CLOCK: variants seen among roughly 807,000 people sequenced by gnomAD.
CLOCK encodes the protein circadian locomoter output cycles protein kaput.
A neutral mutation model predicts 118.4 loss-of-function variants in CLOCK; 43 were observed. That is an observed-to-expected ratio of 0.36 (90% CI 0.28 to 0.47). The LOEUF is 0.47. CLOCK is among the 20% of genes least tolerant of loss of function. The pLI is 1.00. For synonymous variants in CLOCK, 326 were observed against 339.2 expected (o/e 0.96, Z 0.43); for missense variants, 846 against 999.9 (o/e 0.85, Z 2.08).
chr4:55,445,587 T>A, intron 18 of CLOCK, among the ~76,000 whole-genome samples: 1 of 54,886 alleles, frequency 1.8e-5, no homozygotes, highest in Admixed American at 1.8e-4. Context: ...ATATTCTTTT[T>A]TTTTTTTTTT....
chr4:55,472,741 C>A (rs140842317), intron 7 of CLOCK, among the ~76,000 whole-genome samples: 107 of 151,988 alleles, frequency 7.0e-4, no homozygotes, highest in African/African-American at 2.3e-3. Context: ...TTGTCCCCCC[C>A]CTTCTTTTGG....
rs934674127 is a variant in CLOCK, at chr4:55,435,408, A to C, written c.*7T>G. The stretch of plus-strand genomic sequence containing the variant: ...CTCCCTTGATGTCAAGAGAGGAAGC[A>C]CGTGTGCTACTGTGGTTGAACCTTG... On this transcript the variant is annotated 3_prime_UTR_variant, in exon 23 of 23. Transcript: ENST00000513440. 1.2e-6 allele frequency: 2 copies of C among 1,613,878 alleles called. No individual in the cohort carries two copies. The highest frequency in any genetic ancestry group is 1.7e-6 in the Non-Finnish European group (2 of 1,179,812).
intron 7 of CLOCK, among the ~76,000 whole-genome samples, chr4:55,475,449 G>C (rs1726443086): frequency 6.6e-6 from 1 of 152,220 alleles, no homozygotes; most frequent in African/African-American, 2.4e-5. Context: ...AGCAGCAGCA[G>C]GGTTTGAGAG....
At chr4:55,514,592 CA>C (rs1291403088) in intron 1 of CLOCK, among the ~76,000 whole-genome samples, 1 of 150,674 alleles carries the variant, frequency 6.6e-6, no homozygotes, top group African/African-American at 2.4e-5. Flanking sequence ...TTTACAGTTA[CA>C]GAGTTTTTTT....
At position 55,450,092 on chromosome 4, in the gene CLOCK, G is replaced by T. The variant is rs1021759630; in HGVS notation, c.1347C>A (p.Ser449=). The T allele has an allele frequency of 1.2e-6, 2 of 1,614,126 alleles. No individual in the cohort carries two copies. The highest frequency in any genetic ancestry group is 8.5e-7 in the Non-Finnish European group (1 of 1,179,998). The change falls in exon 16 of 23, where the codon TCC becomes TCA. Residue 449 remains serine (S), a splice_region_variant and synonymous_variant. Coordinates refer to ENST00000513440, the MANE Select transcript of CLOCK (RefSeq NM_004898.4). The stretch of plus-strand genomic sequence containing the variant: ...CTGCTTTGAAGCAAGGGTACTCACA[G>T]GAAGGGTCTGAGACGGCCGTGTGAG... The part of the protein sequence containing the change: ...KSSHTAVSDP[S]STPTKIPTDT...
At chr4:55,509,280 T>C (rs1320797196) in intron 2 of CLOCK, among the ~76,000 whole-genome samples, 4 of 152,236 alleles carry the variant, frequency 2.6e-5, no homozygotes, top group African/African-American at 9.6e-5. Flanking sequence ...AAAGCAGTCA[T>C]ACACAAAACC....
At position 55,448,772 on chromosome 4, in the gene CLOCK, A is replaced by C. The variant is rs1383282622; in HGVS notation, c.1539+7T>G. 6.2e-7 allele frequency: 1 copy of C among 1,612,350 alleles called. No individual in the cohort carries two copies. Among genetic ancestry groups the C allele is most frequent in the Non-Finnish European group, 8.5e-7 (1 of 1,178,754 alleles). ...AATACGCAACTGAAACAAAAACCAA[A>C]AAGTACCTGGGACATGCCTTGTGGA... On this transcript the variant is annotated splice_region_variant and intron_variant, in intron 18 of 22. Coordinates refer to ENST00000513440, the MANE Select transcript of CLOCK (RefSeq NM_004898.4).
intron 1 of CLOCK, among the ~76,000 whole-genome samples, chr4:55,526,359 T>C (rs769067737): frequency 6.6e-6 from 1 of 152,206 alleles, no homozygotes; most frequent in African/African-American, 2.4e-5. Context: ...AATTTCACAA[T>C]GGATCATATT....
chr4:55,523,979 T>A (rs1730008079), intron 1 of CLOCK, among the ~76,000 whole-genome samples: 1 of 152,180 alleles, frequency 6.6e-6, no homozygotes, highest in African/African-American at 2.4e-5. Flanking sequence ...GTCACCTTTG[T>A]TACATGTCTT....
chr4:55,436,892 C>CTTTTT (rs35888413), intron 22 of CLOCK, among the ~76,000 whole-genome samples: 47 of 98,346 alleles, frequency 4.8e-4, no homozygotes, highest in African/African-American at 1.3e-3. Flanking sequence ...TTTGGGATGC[C>CTTTTT]TTTTTTTTTT....
rs1033292686 is a variant in CLOCK, at chr4:55,435,102, C to G, written c.*313G>C. ...TAACATCATTAGTGCCTTTCTGATT[C>G]CCTGGAGGTCATTTCATAGCTGAGC... On this transcript the variant is annotated 3_prime_UTR_variant, in exon 23 of 23. Transcript: ENST00000513440. 2.7e-5 allele frequency: 10 copies of G among 372,124 alleles called. No homozygotes were observed. The highest frequency in any genetic ancestry group is 2.0e-4 in the South Asian group (9 of 44,138). The allele number at this position is 372,124 out of a possible 1,614,324, so 23.1% of individuals were successfully genotyped here.
intron 1 of CLOCK, among the ~76,000 whole-genome samples, chr4:55,529,448 C>T (rs185480314): frequency 1.3e-5 from 2 of 152,284 alleles, no homozygotes; most frequent in Admixed American, 1.3e-4. Flanking sequence ...GCATGAGCCA[C>T]TATGTCCCAC....
intron 1 of CLOCK, among the ~76,000 whole-genome samples, chr4:55,510,351 G>A (rs1360787700): frequency 6.6e-6 from 1 of 152,134 alleles, no homozygotes; most frequent in Admixed American, 6.5e-5. Flanking sequence ...CCTGGGACGG[G>A]TGCGGTGGCT....
rs1316781202 is a variant in CLOCK at position 55,428,329 on chromosome 4, T to C, written c.*7086A>G. The stretch of plus-strand genomic sequence containing the variant: ...AAGTGTAACCAATTGTTACACCAAA[T>C]TAAAATGGCAATATTAAATCGGTAA... On this transcript the variant is annotated 3_prime_UTR_variant, in exon 23 of 23. Coordinates refer to ENST00000513440, the MANE Select transcript of CLOCK (RefSeq NM_004898.4). The C allele has an allele frequency of 6.6e-6, 1 of 152,192 alleles. No homozygotes were observed. Among genetic ancestry groups the C allele is most frequent in the Non-Finnish European group, 1.5e-5 (1 of 68,034 alleles). 9.4% of individuals were successfully genotyped at this position (152,192 alleles called of 1,614,324 possible). A position where few individuals can be genotyped will look rare whatever the true frequency, so the allele number is the denominator to read the frequency against.
rs1284553502 is a variant in CLOCK, at chr4:55,443,880, G to A, written c.1709C>T (p.Ser570Leu). 1.2e-5 allele frequency: 20 copies of A among 1,612,590 alleles called. No individual in the cohort carries two copies. Among genetic ancestry groups the A allele is most frequent in the Non-Finnish European group, 1.7e-5 (20 of 1,179,844 alleles). The change falls in exon 20 of 23, where the codon TCA (serine) becomes TTA (leucine). Residue 570 changes from serine to leucine, a missense_variant. Around this residue, in one of 4 missense-constraint regions of CLOCK, gnomAD observed 520 missense variants for 558.0 expected, o/e 0.93. Coordinates refer to ENST00000513440, the MANE Select transcript of CLOCK (RefSeq NM_004898.4). ...GQGLQMFLQQSNPGLNFGSVQ... is the reference protein window; with the variant it reads ...GQGLQMFLQQLNPGLNFGSVQ... The stretch of plus-strand genomic sequence containing the variant: ...GGAACCAAAATTCAACCCAGGATTT[G>A]ATTGTTGCAAAAACATCTTTAAAAA...
intron 1 of CLOCK, among the ~76,000 whole-genome samples, chr4:55,521,638 G>A (rs1009484006): frequency 2.0e-5 from 3 of 152,226 alleles, no homozygotes; most frequent in Non-Finnish European, 4.4e-5. Flanking sequence ...TGAATTATTG[G>A]CCTTCACAAA....
Position 55,470,794 on chromosome 4 carries a change from A to C in CLOCK, c.361T>G (p.Phe121Val). 6.2e-7 allele frequency: 1 copy of C among 1,610,212 alleles called. No homozygotes were observed. Among genetic ancestry groups the C allele is most frequent in the South Asian group, 1.1e-5 (1 of 90,416 alleles). ...CCATCTGTCATGATTGCTAAAAAAA[A>C]ACCATCAAGAGCCTGAAATTAAACA... ...TQLMLEALDGFFLAIMTDGSI... is the reference protein window; with the variant it reads ...TQLMLEALDGVFLAIMTDGSI... The change falls in exon 8 of 23, where the codon TTT becomes GTT. Residue 121 changes from phenylalanine (F) to valine (V), a missense_variant. Around this residue, in one of 4 missense-constraint regions of CLOCK, gnomAD observed 246 missense variants for 300.2 expected, o/e 0.82. Coordinates refer to ENST00000513440, the MANE Select transcript of CLOCK (RefSeq NM_004898.4).
At chr4:55,448,718 A>G in intron 18 of CLOCK, 61 bp downstream of exon 18, 1 of 1,420,594 alleles carries the variant, frequency 7.0e-7, no homozygotes, top group Non-Finnish European at 9.9e-7. Flanking sequence ...AAAAAATTAC[A>G]TTAGCTTAAA....
At chr4:55,533,926 T>C (rs1730716980) in intron 1 of CLOCK, among the ~76,000 whole-genome samples, 1 of 152,056 alleles carries the variant, frequency 6.6e-6, no homozygotes, top group African/African-American at 2.4e-5. Context: ...AAAAACAAAG[T>C]GCTTGTTTAA....
Sources: allele counts gnomAD v4.1 joint callset (sites outside exome capture counted in the v4.1 genomes callset), GRCh38; gene constraint gnomAD v4.1.1; regional missense constraint gnomAD v4.1.1; transcripts MANE v1.5; gene names NCBI Gene and HGNC (gene_info 2026-07-23, HGNC 2026-07-21).